PPP1R1A: variants seen among roughly 807,000 people sequenced by gnomAD.
PPP1R1A encodes the protein protein phosphatase 1 regulatory subunit 1A.
A neutral mutation model predicts 23.9 loss-of-function variants in PPP1R1A; 18 were observed. That is an observed-to-expected ratio of 0.75 (90% CI 0.52 to 1.12). The LOEUF (loss-of-function observed/expected upper bound fraction) is 1.12. Among genes scored for constraint, PPP1R1A ranks in the 50% most tolerant of loss-of-function variants. The pLI, the probability that PPP1R1A is intolerant of heterozygous loss-of-function variation, is 0.00. For missense variants in PPP1R1A, 207 were observed against 223.8 expected (o/e 0.92, Z 0.48); for synonymous variants, 84 against 80.7 (o/e 1.04, Z -0.22).
chr12:54,582,739 T>G lies in PPP1R1A; in HGVS notation c.240A>C (p.Thr80=). The change falls in exon 4 of 7, where the codon ACA becomes ACC. Residue 80 remains threonine, a synonymous_variant. Transcript: ENST00000257905. The part of the protein sequence containing the change: ...QRKKMTRITP[T]MKELQMMVEH... The stretch of plus-strand genomic sequence containing the variant: ...GGGAGGGGTCTTGCAAACCTTTCAT[T>G]GTGGGTGTGATCCTTGTCATCTTCT... 1.2e-6 allele frequency: 2 copies of G among 1,613,782 alleles called. No homozygotes were observed. The highest frequency in any genetic ancestry group is 1.7e-6 in the Non-Finnish European group (2 of 1,179,848).
chr12:54,583,319 A>T, intron 2 of PPP1R1A, 71 bp from the exon 3 acceptor site: 1 of 1,327,200 alleles, frequency 7.5e-7, no homozygotes, highest in Non-Finnish European at 9.9e-7. Context: ...CTGACTTCTC[A>T]GGGGAGGGGA....
Position 54,579,277 on chromosome 12 carries a change from G to A in PPP1R1A, c.*1110C>T. On this transcript the variant is annotated 3_prime_UTR_variant, in exon 7 of 7. Transcript: ENST00000257905. ...TGTTCACTGGGTACAAGTTGACCAA[G>A]CATCTTCACATACATACACTCTTTC... The A allele has an allele frequency of 1.0e-6, 1 of 985,144 alleles. No homozygotes were observed. Among genetic ancestry groups the A allele is most frequent in the Non-Finnish European group, 1.2e-6 (1 of 829,910 alleles). 61.0% of individuals were successfully genotyped at this position (985,144 alleles called of 1,614,324 possible). A position where few individuals can be genotyped will look rare whatever the true frequency, so the allele number is the denominator to read the frequency against.
chr12:54,579,614 T>A lies in PPP1R1A; in HGVS notation c.*773A>T. ...TTTCTTCTCTTATGCTTGGTTTTGG[T>A]CTTATCTGGGCCCCTCAATGTCTAG... On this transcript the variant is annotated 3_prime_UTR_variant, in exon 7 of 7. Coordinates refer to ENST00000257905, the MANE Select transcript of PPP1R1A (RefSeq NM_006741.4). 1 of 985,410 alleles carries A rather than the reference T, an allele frequency of 1.0e-6. No homozygotes were observed. Among genetic ancestry groups the A allele is most frequent in the Non-Finnish European group, 1.2e-6 (1 of 829,966 alleles). 61.0% of individuals were successfully genotyped at this position (985,410 alleles called of 1,614,324 possible).
In PPP1R1A at chr12:54,583,259, C is replaced by T. The variant is rs754116418; in HGVS notation, c.146-11G>A. ...GGTCTTCATCTATCTCTGAAGGGAA[C>T]AGGGAAAGGAGAGGGTGATAAGGAC... On this transcript the variant is annotated splice_polypyrimidine_tract_variant and intron_variant, in intron 2 of 6. Coordinates refer to ENST00000257905, the MANE Select transcript of PPP1R1A (RefSeq NM_006741.4). 2 of 1,511,912 alleles carry T rather than the reference C, an allele frequency of 1.3e-6. No individual in the cohort carries two copies. Among genetic ancestry groups the T allele is most frequent in the East Asian group, 2.4e-5 (1 of 41,124 alleles). The allele number at this position is 1,511,912 out of a possible 1,614,324, so 93.7% of individuals were successfully genotyped here.
chr12:54,580,493 C>T (rs1201955203), intron 6 of PPP1R1A, 101 bp from the exon 7 acceptor site: 2 of 1,214,280 alleles, frequency 1.6e-6, no homozygotes, highest in Non-Finnish European at 2.4e-6. Flanking sequence ...TCTAATGTCT[C>T]AGAAAGCTTG....
chr12:54,580,435 A>G lies in PPP1R1A; in HGVS notation c.511-43T>C, dbSNP rs548946011. 4 of 1,579,100 alleles carry G rather than the reference A, an allele frequency of 2.5e-6. No homozygotes were observed. The African/African-American group carries it at 5.4e-5, about 21-fold the overall frequency. On this transcript the variant is annotated intron_variant, in intron 6 of 6. Coordinates refer to ENST00000257905, the MANE Select transcript of PPP1R1A (RefSeq NM_006741.4). ...GGACAGAAAGAGAAGGTGAGAGGCC[A>G]GAGGGTCATTTTGTCCCTTCCCCTT...
At chr12:54,588,321 A>T in intron 1 of PPP1R1A, 84 bp downstream of exon 1, 3 of 1,025,710 alleles carry the variant, frequency 2.9e-6, no homozygotes, top group East Asian at 4.3e-5. Context: ...AGGGAGGACT[A>T]GGCAGGGATC....
chr12:54,580,320 A>T lies in PPP1R1A; in HGVS notation c.*67T>A. ...AGATTTTCCCCAAAAGTGAAGGAAT[A>T]AGAAACAAATCCGGTGTCCATGCAT... On this transcript the variant is annotated 3_prime_UTR_variant, in exon 7 of 7. Transcript: ENST00000257905. The T allele has an allele frequency of 6.2e-7, 1 of 1,606,902 alleles. No homozygotes were observed. The highest frequency in any genetic ancestry group is 8.5e-7 in the Non-Finnish European group (1 of 1,177,184).
chr12:54,588,560 C>T lies in PPP1R1A; in HGVS notation c.-72G>A, dbSNP rs1252340414. On this transcript the variant is annotated 5_prime_UTR_variant, in exon 1 of 7. Coordinates refer to ENST00000257905, the MANE Select transcript of PPP1R1A (RefSeq NM_006741.4). Reference sequence around the variant, plus strand: ...CGGCGGGACTCGGGGCTGGGGCGGGCGCGCTCCCTCTCCGCTCCGCTCCGG... The same window carrying T: ...CGGCGGGACTCGGGGCTGGGGCGGGTGCGCTCCCTCTCCGCTCCGCTCCGG... 1.1e-5 allele frequency: 10 copies of T among 950,258 alleles called. No individual in the cohort carries two copies. Among genetic ancestry groups the T allele is most frequent in the Non-Finnish European group, 1.4e-5 (10 of 724,828 alleles). The allele number at this position is 950,258 out of a possible 1,614,324, so 58.9% of individuals were successfully genotyped here. A position where few individuals can be genotyped will look rare whatever the true frequency, so the allele number is the denominator to read the frequency against.
At position 54,586,467 on chromosome 12, in the gene PPP1R1A, A is replaced by G. The variant is rs369121787; in HGVS notation, c.84+1938T>C. ...TCTTTCCAAAGCAGTCATGCCAAGG[A>G]TCTGGAAGCTGTGGGCACCCCTCCA... On this transcript the variant is annotated intron_variant, in intron 1 of 6. Coordinates refer to ENST00000257905, the MANE Select transcript of PPP1R1A (RefSeq NM_006741.4). Among the ~76,000 whole-genome samples, 322 of 152,236 alleles carry G rather than the reference A, an allele frequency of 2.1e-3. 1 individual carries two copies. Among genetic ancestry groups the G allele is most frequent in the African/African-American group, 7.6e-3 (317 of 41,532 alleles).
chr12:54,586,698 T>G (rs1957915286), intron 1 of PPP1R1A, among the ~76,000 whole-genome samples: 2 of 152,142 alleles, frequency 1.3e-5, no homozygotes, highest in Admixed American at 1.3e-4. Flanking sequence ...CCGGCTCTCT[T>G]TTTTCCCTCT....
rs1210187704 is a variant in PPP1R1A at position 54,582,737 on chromosome 12, A to C, written c.242T>G (p.Met81Arg). Residue 81 changes from methionine (M) to arginine (R), a missense_variant, in exon 4 of 7, where the codon ATG (methionine) becomes AGG (arginine). Coordinates refer to ENST00000257905, the MANE Select transcript of PPP1R1A (RefSeq NM_006741.4). ...ATGGGAGGGGTCTTGCAAACCTTTC[A>C]TTGTGGGTGTGATCCTTGTCATCTT... ...RKKMTRITPT[M>R]KELQMMVEHH... The C allele has an allele frequency of 6.2e-7, 1 of 1,613,664 alleles. No homozygotes were observed. The highest frequency in any genetic ancestry group is 8.5e-7 in the Non-Finnish European group (1 of 1,179,862).
chr12:54,580,191 C>G lies in PPP1R1A; in HGVS notation c.*196G>C. ...CAGCTTGGCAGGAGGGTGGGGGCTA[C>G]AGAGAGGGCAGGGCAAGAAGGCAGG... is the stretch of plus-strand genomic sequence containing the variant. On this transcript the variant is annotated 3_prime_UTR_variant, in exon 7 of 7. Coordinates refer to ENST00000257905, the MANE Select transcript of PPP1R1A (RefSeq NM_006741.4). 3 of 1,395,670 alleles carry G rather than the reference C, an allele frequency of 2.1e-6. No homozygotes were observed. Among genetic ancestry groups the G allele is most frequent in the Non-Finnish European group, 2.8e-6 (3 of 1,072,384 alleles). The allele number at this position is 1,395,670 out of a possible 1,614,324, so 86.5% of individuals were successfully genotyped here.
intron 1 of PPP1R1A, among the ~76,000 whole-genome samples, chr12:54,585,735 T>TG (rs926342859): frequency 6.2e-5 from 9 of 144,678 alleles, no homozygotes; most frequent in Non-Finnish European, 1.5e-5. Context: ...CCCAGAAAAG[T>TG]GGGGGGTACT....
Position 54,579,547 on chromosome 12 carries a change from A to G in PPP1R1A, c.*840T>C, listed in dbSNP as rs1410786924. The G allele has an allele frequency of 5.1e-6, 5 of 985,260 alleles. No homozygotes were observed. The highest frequency in any genetic ancestry group is 6.0e-6 in the Non-Finnish European group (5 of 829,972). The allele number at this position is 985,260 out of a possible 1,614,324, so 61.0% of individuals were successfully genotyped here. A position where few individuals can be genotyped will look rare whatever the true frequency, so the allele number is the denominator to read the frequency against. ...TCTCCCACTACCTGGGAAAATCAAA[A>G]ACAGCAGCAGGAGAGAGGCCTGGCC... On this transcript the variant is annotated 3_prime_UTR_variant, in exon 7 of 7. Transcript: ENST00000257905.
chr12:54,583,497 T>A (rs1957878898), intron 2 of PPP1R1A, among the ~76,000 whole-genome samples: 1 of 152,180 alleles, frequency 6.6e-6, no homozygotes, highest in South Asian at 2.1e-4. Context: ...TGCGTCTGCA[T>A]CTTTGCCTCA....
chr12:54,584,616 A>T (rs143284162), intron 1 of PPP1R1A, among the ~76,000 whole-genome samples: 172 of 152,236 alleles, frequency 1.1e-3, no homozygotes, highest in African/African-American at 3.9e-3. Flanking sequence ...AAGGGCTGAA[A>T]AACTACCTAT....
Position 54,582,766 on chromosome 12 carries a change from C to T in PPP1R1A, c.213G>A (p.Arg71=), listed in dbSNP as rs749099536. 12 of 1,613,752 alleles carry T rather than the reference C, an allele frequency of 7.4e-6. No homozygotes were observed. The highest frequency in any genetic ancestry group is 1.0e-5 in the Non-Finnish European group (12 of 1,179,888). The change falls in exon 4 of 7, where the codon CGG becomes CGA. Residue 71 remains arginine, a synonymous_variant. Coordinates refer to ENST00000257905, the MANE Select transcript of PPP1R1A (RefSeq NM_006741.4). The stretch of plus-strand genomic sequence containing the variant: ...TGGGTGTGATCCTTGTCATCTTCTT[C>T]CGTTGCCGTGGAGACATTGCCAAAG... The part of the protein sequence containing the change: ...KSTLAMSPRQ[R]KKMTRITPTM...
At chr12:54,585,687 T>TG (rs1957902731) in intron 1 of PPP1R1A, among the ~76,000 whole-genome samples, 1 of 151,682 alleles carries the variant, frequency 6.6e-6, no homozygotes, top group Non-Finnish European at 1.5e-5. Context: ...CCACTGGCCG[T>TG]GGGGGGATGA....
Sources: gnomAD v4.1 joint callset for allele counts (sites outside exome capture counted in the v4.1 genomes callset) on GRCh38, gnomAD v4.1.1 for gene constraint, MANE v1.5 for transcripts, NCBI Gene and HGNC (gene_info 2026-07-23, HGNC 2026-07-21) for gene names.